Variants in TNFSF9 observed in about 807,000 individuals in gnomAD.
TNFSF9 encodes TNF superfamily member 9.
A neutral mutation model predicts 10.3 loss-of-function variants in TNFSF9; 10 were observed. That is an observed-to-expected ratio of 0.97 (90% CI 0.60 to 1.65). The LOEUF is 1.65. TNFSF9 is among the 40% of genes most tolerant of loss of function. The probability of loss-of-function intolerance (pLI) is 0.00; values close to 1 mark genes in which losing one functional copy is unlikely to be tolerated. For missense variants in TNFSF9, 361 were observed against 348.9 expected (o/e 1.03, Z -0.28); for synonymous variants, 195 against 176.1 (o/e 1.11, Z -0.85).
intron 2 of TNFSF9, among the ~76,000 whole-genome samples, chr19:6,534,115 C>G (rs1915212682): frequency 7.1e-6 from 1 of 139,880 alleles, no homozygotes; most frequent in Non-Finnish European, 1.6e-5. Flanking sequence ...ATCTGCTGCT[C>G]CCTCCAACCC....
Position 6,535,373 on chromosome 19 carries a change from G to C in TNFSF9, c.*307G>C, listed in dbSNP as rs1017791296. On this transcript the variant is annotated 3_prime_UTR_variant, in exon 3 of 3. Transcript: ENST00000245817. ...GAGGAGTTGTTTTGGGGGGGGGGGG[G>C]TCTTCGACATTGCCGAGGCTGGTCT... 1 of 57,334 alleles carries C rather than the reference G, an allele frequency of 1.7e-5. No homozygotes were observed. The highest frequency in any genetic ancestry group is 3.8e-5 in the Non-Finnish European group (1 of 26,262). 3.6% of individuals were successfully genotyped at this position (57,334 alleles called of 1,614,324 possible). A position where few individuals can be genotyped will look rare whatever the true frequency, so the allele number is the denominator to read the frequency against.
intron 2 of TNFSF9, among the ~76,000 whole-genome samples, chr19:6,533,354 C>G (rs1327007424): frequency 7.4e-6 from 1 of 135,860 alleles, no homozygotes; most frequent in Non-Finnish European, 1.6e-5. Flanking sequence ...TTCCAAGACA[C>G]TCCTCCCAGC....
chr19:6,531,137 GGCTGCTGCTGCT>G lies in TNFSF9; in HGVS notation c.111_122del (p.Leu38_Leu41del), dbSNP rs564151103. The G allele has an allele frequency of 6.2e-7, 1 of 1,605,264 alleles. No homozygotes were observed. Among genetic ancestry groups the G allele is most frequent in the South Asian group, 1.1e-5 (1 of 90,704 alleles). ...GTACTGCCTTGGGCCCTGGTCGCGG[GGCTGCTGCTGCT>G]GCTGCTGCTCGCTGCCGCCTGCGCC... On this transcript the variant is annotated inframe_deletion, in exon 1 of 3. Coordinates refer to ENST00000245817, the MANE Select transcript of TNFSF9 (RefSeq NM_003811.4).
chr19:6,534,821 G>A lies in TNFSF9; in HGVS notation c.520G>A (p.Ala174Thr), dbSNP rs1475598233. Reference protein sequence around the residue: ...ALHLQPLRSAAGAAALALTVD... With the variant: ...ALHLQPLRSATGAAALALTVD... ...GCACCTGCAGCCACTGCGCTCTGCT[G>A]CTGGGGCCGCCGCCCTGGCTTTGAC... Residue 174 changes from alanine (A) to threonine (T), a missense_variant, in exon 3 of 3, where the codon GCT (alanine) becomes ACT (threonine). Ala to Thr is a moderately conservative substitution (Grantham distance 58, BLOSUM62 0). Transcript: ENST00000245817. 1.2e-6 allele frequency: 2 copies of A among 1,604,314 alleles called. No individual in the cohort carries two copies. Among genetic ancestry groups the A allele is most frequent in the Non-Finnish European group, 1.7e-6 (2 of 1,176,960 alleles).
Position 6,535,199 on chromosome 19 carries a change from C to T in TNFSF9, c.*133C>T. The T allele has an allele frequency of 4.5e-6, 4 of 893,950 alleles. No homozygotes were observed. The South Asian group carries it at 6.4e-5, about 14-fold the overall frequency. The allele number at this position is 893,950 out of a possible 1,614,324, so 55.4% of individuals were successfully genotyped here. A position where few individuals can be genotyped will look rare whatever the true frequency, so the allele number is the denominator to read the frequency against. On this transcript the variant is annotated 3_prime_UTR_variant, in exon 3 of 3. Coordinates refer to ENST00000245817, the MANE Select transcript of TNFSF9 (RefSeq NM_003811.4). ...GGCAGGGGTCCCTGCTGCTGACCTC[C>T]CCTTGAGGACCCTCCTCACCCACTC...
intron 1 of TNFSF9, 99 bp from the exon 2 acceptor site, chr19:6,532,687 C>A: frequency 6.4e-7 from 1 of 1,566,094 alleles, no homozygotes; most frequent in Non-Finnish European, 8.8e-7. Context: ...TTCAGGTCGG[C>A]ACAGACTCTG....
chr19:6,532,932 C>T lies in TNFSF9; in HGVS notation c.298+116C>T, dbSNP rs534618834. ...CCGCACACTGGCTTTGACCCTTGAC[C>T]GCTGCTGTCTCTGAAAGCTGCTACT... On this transcript the variant is annotated intron_variant, in intron 2 of 2. Coordinates refer to ENST00000245817, the MANE Select transcript of TNFSF9 (RefSeq NM_003811.4). The T allele has an allele frequency of 5.0e-5, 72 of 1,444,390 alleles. No individual in the cohort carries two copies. In the African/African-American group the frequency reaches 8.4e-4, roughly 17 times the overall value. The allele number at this position is 1,444,390 out of a possible 1,614,324, so 89.5% of individuals were successfully genotyped here. A position where few individuals can be genotyped will look rare whatever the true frequency, so the allele number is the denominator to read the frequency against.
chr19:6,534,820 T>G lies in TNFSF9; in HGVS notation c.519T>G (p.Ala173=). The change falls in exon 3 of 3, where the codon GCT becomes GCG. Residue 173 remains alanine, a synonymous_variant. Transcript: ENST00000245817. ...TGCACCTGCAGCCACTGCGCTCTGC[T>G]GCTGGGGCCGCCGCCCTGGCTTTGA... The part of the protein sequence containing the change: ...LALHLQPLRS[A]AGAAALALTV... 6.2e-7 allele frequency: 1 copy of G among 1,604,696 alleles called. No individual in the cohort carries two copies. Among genetic ancestry groups the G allele is most frequent in the Non-Finnish European group, 8.5e-7 (1 of 1,176,986 alleles).
rs1243149537 is a variant in TNFSF9 at position 6,534,611 on chromosome 19, G to A, written c.310G>A (p.Asp104Asn). The change falls in exon 3 of 3, where the codon GAT becomes AAT. Residue 104 changes from aspartate to asparagine, a missense_variant. By Grantham distance (23) the Asp-to-Asn change is conservative. Transcript: ENST00000245817. ...QLVAQNVLLI[D>N]GPLSWYSDPG... is the part of the protein sequence containing the mutation. ...CTTTCCTCCCACAGTTCTGCTGATC[G>A]ATGGGCCCCTGAGCTGGTACAGTGA... is the stretch of plus-strand genomic sequence containing the variant. 11 of 1,571,928 alleles carry A rather than the reference G, an allele frequency of 7.0e-6. No homozygotes were observed. The highest frequency in any genetic ancestry group is 1.9e-5 in the Admixed American group (1 of 53,722).
chr19:6,532,163 A>G (rs1203734583), intron 1 of TNFSF9, among the ~76,000 whole-genome samples: 1 of 151,682 alleles, frequency 6.6e-6, no homozygotes, highest in Admixed American at 6.6e-5. Context: ...CCCTTTCAAG[A>G]CCCCCAGGGG....
rs756077706 is a variant in TNFSF9 at position 6,531,244 on chromosome 19, CTCCGCG to C, written c.209_214del (p.Leu70_Glu72delinsGln). Reference sequence around the variant, plus strand: ...GCCCGGCTCCGCGGCCAGCCCGAGACTCCGCGAGGGTCCCGAGCTTTCGCCCGACGA... The same window carrying C: ...GCCCGGCTCCGCGGCCAGCCCGAGACAGGGTCCCGAGCTTTCGCCCGACGA... On this transcript the variant is annotated inframe_deletion, in exon 1 of 3. Transcript: ENST00000245817. 3.3e-6 allele frequency: 5 copies of C among 1,537,150 alleles called. No homozygotes were observed. The East Asian group carries it at 1.3e-4, about 40-fold the overall frequency.
At chr19:6,534,412 C>T (rs536062773) in intron 2 of TNFSF9, among the ~76,000 whole-genome samples, 188 bp from the exon 3 acceptor site, 11 of 125,934 alleles carry the variant, frequency 8.7e-5, no homozygotes, top group African/African-American at 3.0e-4. Flanking sequence ...CAGCACCCCC[C>T]CAACGCCCCC....
chr19:6,534,652 C>T lies in TNFSF9; in HGVS notation c.351C>T (p.Gly117=), dbSNP rs1413979305. The T allele has an allele frequency of 1.1e-5, 17 of 1,588,722 alleles. No homozygotes were observed. Among genetic ancestry groups the T allele is most frequent in the African/African-American group, 4.0e-5 (3 of 74,298 alleles). The part of the protein sequence containing the change: ...LSWYSDPGLA[G]VSLTGGLSYK... Reference sequence around the variant, plus strand: ...GGTACAGTGACCCAGGCCTGGCAGGCGTGTCCCTGACGGGGGGCCTGAGCT... The same window carrying T: ...GGTACAGTGACCCAGGCCTGGCAGGTGTGTCCCTGACGGGGGGCCTGAGCT... The change falls in exon 3 of 3, where the codon GGC becomes GGT. Residue 117 remains glycine, a synonymous_variant. Coordinates refer to ENST00000245817, the MANE Select transcript of TNFSF9 (RefSeq NM_003811.4).
chr19:6,531,077 C>G lies in TNFSF9; in HGVS notation c.41C>G (p.Pro14Arg), dbSNP rs772060180. The change falls in exon 1 of 3, where the codon CCG (proline) becomes CGG (arginine). Residue 14 changes from proline (P) to arginine (R), a missense_variant. Coordinates refer to ENST00000245817, the MANE Select transcript of TNFSF9 (RefSeq NM_003811.4). ...GACGCTTCACTGGACCCCGAAGCCC[C>G]GTGGCCTCCCGCGCCCCGCGCTCGC... ...ASDASLDPEA[P>R]WPPAPRARAC... 1 of 1,611,028 alleles carries G rather than the reference C, an allele frequency of 6.2e-7. No individual in the cohort carries two copies. The highest frequency in any genetic ancestry group is 1.1e-5 in the South Asian group (1 of 91,030).
At chr19:6,533,226 T>G (rs1309600034) in intron 2 of TNFSF9, among the ~76,000 whole-genome samples, 1 of 137,260 alleles carries the variant, frequency 7.3e-6, no homozygotes, top group Non-Finnish European at 1.6e-5. Context: ...GCCCAGAGCC[T>G]CCTCCTTACT....
Position 6,531,157 on chromosome 19 carries a change from C to G in TNFSF9, c.121C>G (p.Leu41Val). The G allele has an allele frequency of 6.2e-7, 1 of 1,600,906 alleles. No individual in the cohort carries two copies. Among genetic ancestry groups the G allele is most frequent in the Non-Finnish European group, 8.5e-7 (1 of 1,174,350 alleles). ...CGCGGGGCTGCTGCTGCTGCTGCTG[C>G]TCGCTGCCGCCTGCGCCGTCTTCCT... Reference protein sequence around the residue: ...LVAGLLLLLLLAAACAVFLAC... With the variant: ...LVAGLLLLLLVAAACAVFLAC... Residue 41 changes from leucine to valine, a missense_variant, in exon 1 of 3, where the codon CTC becomes GTC. Transcript: ENST00000245817.
At chr19:6,532,345 G>T (rs1445353875) in intron 1 of TNFSF9, among the ~76,000 whole-genome samples, 1 of 150,676 alleles carries the variant, frequency 6.6e-6, no homozygotes, top group East Asian at 1.9e-4. Flanking sequence ...GTTCGTGTGG[G>T]GGTGCGTATG....
intron 1 of TNFSF9, among the ~76,000 whole-genome samples, chr19:6,532,283 G>A (rs1015697596): frequency 8.3e-5 from 12 of 144,228 alleles, no homozygotes; most frequent in East Asian, 1.9e-4. Context: ...GTGTGTGTGT[G>A]TGTGTGTGTG....
At position 6,531,085 on chromosome 19, in the gene TNFSF9, C is replaced by G. The variant is rs442511; in HGVS notation, c.49C>G (p.Pro17Ala). 10 of 1,610,914 alleles carry G rather than the reference C, an allele frequency of 6.2e-6. No individual in the cohort carries two copies. Among genetic ancestry groups the G allele is most frequent in the African/African-American group, 1.3e-5 (1 of 74,820 alleles). Residue 17 changes from proline to alanine, a missense_variant, in exon 1 of 3, where the codon CCC (proline) becomes GCC (alanine). Pro to Ala is a conservative substitution (Grantham distance 27). Transcript: ENST00000245817. ...ASLDPEAPWPPAPRARACRVL... is the reference protein window; with the variant it reads ...ASLDPEAPWPAAPRARACRVL... ...ACTGGACCCCGAAGCCCCGTGGCCTCCCGCGCCCCGCGCTCGCGCCTGCCG... is the reference window on the plus strand; with the variant it reads ...ACTGGACCCCGAAGCCCCGTGGCCTGCCGCGCCCCGCGCTCGCGCCTGCCG...
Sources: allele counts gnomAD v4.1 joint callset (sites outside exome capture counted in the v4.1 genomes callset), GRCh38; gene constraint gnomAD v4.1.1; transcripts MANE v1.5; gene names NCBI Gene and HGNC (gene_info 2026-07-23, HGNC 2026-07-21).